Variants in GALNT3 observed in about 807,000 individuals in gnomAD.
The protein encoded by GALNT3 is GalNAc transferase 3.
In GALNT3, 51 loss-of-function variants were observed where a neutral mutation model predicts 69.8. That is an observed-to-expected ratio of 0.73 (90% CI 0.58 to 0.92). The LOEUF (loss-of-function observed/expected upper bound fraction) is 0.92, where lower values mean the gene tolerates loss of function less well. GALNT3 is among the 40% of genes least tolerant of loss of function. GALNT3 has a pLI of 0.00. For synonymous variants in GALNT3, 265 were observed against 248.5 expected (o/e 1.07, Z -0.63); for missense variants, 711 against 760.0 (o/e 0.94, Z 0.76).
chr2:165,769,748 A>G (rs1437156301), intron 2 of GALNT3, among the ~76,000 whole-genome samples: 2 of 152,320 alleles, frequency 1.3e-5, no homozygotes, highest in East Asian at 3.9e-4. Context: ...TTACACATAT[A>G]TAAAATATTA....
intron 1 of GALNT3, among the ~76,000 whole-genome samples, chr2:165,778,031 C>T (rs879606749): frequency 2.0e-5 from 3 of 152,184 alleles, no homozygotes; most frequent in African/African-American, 4.8e-5. Context: ...TCTCCCTCAT[C>T]GTCATCTCTG....
rs750548374 is a variant in GALNT3, at chr2:165,758,828, T to C, written c.1110A>G (p.Ser370=). ...PTFAGGLFSI[S]KEYFEYIGSY... is the part of the protein sequence containing the mutation. ...TTCCAATATACTCAAAATATTCTTTTGATATGGAAAAAAGTCCTCCTGCAA... is the reference window on the plus strand; with the variant it reads ...TTCCAATATACTCAAAATATTCTTTCGATATGGAAAAAAGTCCTCCTGCAA... The change falls in exon 6 of 11, where the codon TCA becomes TCG. Residue 370 remains serine (S), a synonymous_variant. Transcript: ENST00000392701. 19 of 1,611,644 alleles carry C rather than the reference T, an allele frequency of 1.2e-5. No homozygotes were observed. The highest frequency in any genetic ancestry group is 1.7e-4 in the Middle Eastern group (1 of 6,052).
chr2:165,758,991 A>G, intron 5 of GALNT3, 127 bp from the exon 6 acceptor site: 1 of 738,474 alleles, frequency 1.4e-6, no homozygotes. Context: ...AGATTAATAA[A>G]AACTAGAAAT....
intron 9 of GALNT3, among the ~76,000 whole-genome samples, chr2:165,753,359 T>C (rs1688386012): frequency 6.6e-6 from 1 of 152,036 alleles, no homozygotes; most frequent in South Asian, 2.1e-4. Flanking sequence ...ACTCTTCTTA[T>C]TCTGTTGCCA....
At chr2:165,779,814 G>A (rs1440694880) in intron 1 of GALNT3, among the ~76,000 whole-genome samples, 1 of 152,116 alleles carries the variant, frequency 6.6e-6, no homozygotes, top group Non-Finnish European at 1.5e-5. Context: ...AATTGGCTGC[G>A]AGGCCATAAT....
At position 165,761,891 on chromosome 2, in the gene GALNT3, A is replaced by G. The variant is rs920517658; in HGVS notation, c.838+14T>C. 14 of 1,613,680 alleles carry G rather than the reference A, an allele frequency of 8.7e-6. No individual in the cohort carries two copies. Among genetic ancestry groups the G allele is most frequent in the African/African-American group, 8.0e-5 (6 of 75,026 alleles). On this transcript the variant is annotated intron_variant, in intron 4 of 10. Coordinates refer to ENST00000392701, the MANE Select transcript of GALNT3 (RefSeq NM_004482.4). ...GGGAAAATGTTACAACCATATCCATACATATATACTTACAGTGAGCATCTA... is the reference window on the plus strand; with the variant it reads ...GGGAAAATGTTACAACCATATCCATGCATATATACTTACAGTGAGCATCTA...
chr2:165,780,884 T>G (rs1336006761), intron 1 of GALNT3, among the ~76,000 whole-genome samples: 2 of 152,092 alleles, frequency 1.3e-5, no homozygotes, highest in African/African-American at 4.8e-5. Context: ...TCGCTAACCT[T>G]ATGGAAAGAT....
At chr2:165,784,292 G>A (rs1009983823) in intron 1 of GALNT3, among the ~76,000 whole-genome samples, 4 of 152,180 alleles carry the variant, frequency 2.6e-5, no homozygotes, top group Non-Finnish European at 5.9e-5. Flanking sequence ...ATGACCTAAT[G>A]AGAACGGAAG....
chr2:165,769,447 AT>A (rs1235640055), intron 2 of GALNT3, among the ~76,000 whole-genome samples: 22 of 146,396 alleles, frequency 1.5e-4, no homozygotes, highest in African/African-American at 5.5e-4. Context: ...TAATAAATAA[AT>A]AAATAAATAA....
intron 2 of GALNT3, among the ~76,000 whole-genome samples, chr2:165,767,300 T>C (rs1197597888): frequency 3.9e-5 from 6 of 152,086 alleles, no homozygotes; most frequent in Non-Finnish European, 8.8e-5. Context: ...TGATTTGTTA[T>C]AAGCATTTTG....
intron 1 of GALNT3, among the ~76,000 whole-genome samples, chr2:165,785,910 T>C (rs1171804387): frequency 2.6e-5 from 4 of 152,116 alleles, no homozygotes; most frequent in Non-Finnish European, 4.4e-5. Flanking sequence ...CCAATAGATA[T>C]ATGGAAACAC....
intron 1 of GALNT3, among the ~76,000 whole-genome samples, chr2:165,782,914 T>C (rs147977107): frequency 7.2e-5 from 11 of 152,274 alleles, no homozygotes; most frequent in African/African-American, 2.4e-4. Flanking sequence ...TCCTATTATA[T>C]AGATGAAGGG....
At chr2:165,791,238 T>A (rs1683340253) in intron 1 of GALNT3, among the ~76,000 whole-genome samples, 1 of 147,262 alleles carries the variant, frequency 6.8e-6, no homozygotes, top group Non-Finnish European at 1.5e-5. Context: ...TTTTCTTTCA[T>A]GTGAGTGGGT....
At chr2:165,780,316 C>T (rs983251488) in intron 1 of GALNT3, among the ~76,000 whole-genome samples, 4 of 152,200 alleles carry the variant, frequency 2.6e-5, no homozygotes, top group African/African-American at 9.7e-5. Context: ...AGGGTCTTTT[C>T]ATTTTGAAAG....
chr2:165,760,443 T>C (rs933551978), intron 4 of GALNT3, among the ~76,000 whole-genome samples: 6 of 152,172 alleles, frequency 3.9e-5, no homozygotes, highest in African/African-American at 1.4e-4. Context: ...TGCTGTCCTA[T>C]TCTGGGCTCC....
Position 165,762,062 on chromosome 2 carries a change from G to T in GALNT3, c.689-8C>A. 1 of 1,514,122 alleles carries T rather than the reference G, an allele frequency of 6.6e-7. No homozygotes were observed. Among genetic ancestry groups the T allele is most frequent in the Non-Finnish European group, 9.1e-7 (1 of 1,093,518 alleles). 93.8% of individuals were successfully genotyped at this position (1,514,122 alleles called of 1,614,324 possible). A position where few individuals can be genotyped will look rare whatever the true frequency, so the allele number is the denominator to read the frequency against. ...GTTTATCATGTAAGTACTCTGTAAG[G>T]AAAAAAAATCAGGGTTAATTCTTTC... On this transcript the variant is annotated splice_polypyrimidine_tract_variant and splice_region_variant and intron_variant, in intron 3 of 10. Coordinates refer to ENST00000392701, the MANE Select transcript of GALNT3 (RefSeq NM_004482.4).
At chr2:165,763,288 GGAAATGCAGAT>G (rs1688584276) in intron 3 of GALNT3, among the ~76,000 whole-genome samples, 1 of 152,102 alleles carries the variant, frequency 6.6e-6, no homozygotes, top group Non-Finnish European at 1.5e-5. Flanking sequence ...GATTTTAGAA[GGAAATGCAGAT>G]GACTTTGACT....
chr2:165,754,564 G>C, intron 9 of GALNT3, 63 bp downstream of exon 9: 2 of 1,182,872 alleles, frequency 1.7e-6, no homozygotes, highest in Admixed American at 1.7e-5. Flanking sequence ...CTGAAAAATA[G>C]GCAACATCTC....
chr2:165,786,391 T>A (rs1683220423), intron 1 of GALNT3, among the ~76,000 whole-genome samples: 1 of 152,210 alleles, frequency 6.6e-6, no homozygotes, highest in Non-Finnish European at 1.5e-5. Flanking sequence ...AGGATAAATG[T>A]ACAGTCATGT....
Sources: allele counts gnomAD v4.1 joint callset (sites outside exome capture counted in the v4.1 genomes callset), GRCh38; gene constraint gnomAD v4.1.1; transcripts MANE v1.5; gene names NCBI Gene and HGNC (gene_info 2026-07-23, HGNC 2026-07-21).